CTNNA3: variants seen among roughly 807,000 people sequenced by gnomAD.
The protein encoded by CTNNA3 is catenin alpha-3.
A neutral mutation model predicts 95.7 loss-of-function variants in CTNNA3; 76 were observed. The ratio of observed to expected loss-of-function variants is 0.79; its 90% CI spans 0.66 to 0.96. The LOEUF (loss-of-function observed/expected upper bound fraction) is 0.96, where lower values mean the gene tolerates loss of function less well. Among genes scored for constraint, CTNNA3 ranks in the 40% least tolerant of loss-of-function variants. The probability of loss-of-function intolerance (pLI) is 0.00; values close to 1 mark genes in which losing one functional copy is unlikely to be tolerated. For missense variants in CTNNA3, 1,191 were observed against 1,089.8 expected (o/e 1.09, Z -1.31); for synonymous variants, 431 against 374.4 (o/e 1.15, Z -1.74).
chr10:67,605,505 G>GAT (rs1211877365), intron 3 of CTNNA3, among the ~76,000 whole-genome samples: 1 of 152,088 alleles, frequency 6.6e-6, no homozygotes, highest in Non-Finnish European at 1.5e-5. Flanking sequence ...TAAAGGAGTA[G>GAT]ATTTAGATGC....
intron 5 of CTNNA3, among the ~76,000 whole-genome samples, chr10:67,374,438 G>GAATA (rs1036046613): frequency 7.2e-5 from 11 of 151,766 alleles, no homozygotes; most frequent in South Asian, 2.1e-4. Context: ...ACGAATGAAC[G>GAATA]AATAAATAAA....
intron 13 of CTNNA3, among the ~76,000 whole-genome samples, chr10:66,120,912 C>G (rs2082545581): frequency 6.6e-6 from 1 of 152,192 alleles, no homozygotes; most frequent in Non-Finnish European, 1.5e-5. Context: ...ATTGTGCACT[C>G]CTTGTTGTCC....
At chr10:65,958,715 C>G (rs893764946) in intron 17 of CTNNA3, among the ~76,000 whole-genome samples, 1 of 152,140 alleles carries the variant, frequency 6.6e-6, no homozygotes, top group Non-Finnish European at 1.5e-5. Flanking sequence ...GCAAATATTG[C>G]AGAACGGCAA....
At chr10:66,775,409 T>C (rs1272562697) in intron 8 of CTNNA3, 35 bp downstream of exon 8, 1 of 1,401,114 alleles carries the variant, frequency 7.1e-7, no homozygotes, top group African/African-American at 1.4e-5. Context: ...ATTTAGCCCC[T>C]ATGTTTCTGA....
chr10:67,174,885 T>C (rs1181569856), intron 7 of CTNNA3, among the ~76,000 whole-genome samples: 1 of 152,134 alleles, frequency 6.6e-6, no homozygotes, highest in Non-Finnish European at 1.5e-5. Flanking sequence ...CTATATAGGA[T>C]ACTATTTATT....
rs201326026 is a variant in CTNNA3, at chr10:66,106,337, T to TTGTGTGTGTGTGTG, written c.1885-3102_1885-3089dup. ...CTGGAAGTTTTGTGTGTGTGTGTGT[T>TTGTGTGTGTGTGTG]TGTGTGTGTGTGTGTGTGTGTGTGT... On this transcript the variant is annotated intron_variant, in intron 13 of 17. Transcript: ENST00000433211. 2.2e-4 allele frequency among the ~76,000 whole-genome samples: 32 copies of TTGTGTGTGTGTGTG among 145,440 alleles called. 1 individual carries two copies. The highest frequency in any genetic ancestry group is 8.0e-4 in the African/African-American group (31 of 38,836).
chr10:66,086,609 CA>C (rs1198842497), intron 14 of CTNNA3, among the ~76,000 whole-genome samples: 4 of 152,112 alleles, frequency 2.6e-5, no homozygotes, highest in African/African-American at 7.2e-5. Context: ...AAAATTACCA[CA>C]AAAAACTTAC....
At chr10:65,964,287 A>G (rs1022116950) in intron 17 of CTNNA3, among the ~76,000 whole-genome samples, 2 of 152,168 alleles carry the variant, frequency 1.3e-5, no homozygotes, top group African/African-American at 4.8e-5. Context: ...CTACCTGCAA[A>G]CAGATGGCAG....
rs190552820 is a variant in CTNNA3, at chr10:67,378,801, T to C, written c.579+143041A>G. 4.6e-5 allele frequency among the ~76,000 whole-genome samples: 7 copies of C among 152,324 alleles called. No homozygotes were observed. In the South Asian group the frequency reaches 1.5e-3, roughly 32 times the overall value. On this transcript the variant is annotated intron_variant, in intron 5 of 17. Transcript: ENST00000433211. ...AATGGTGTATATATACCACATTTTT[T>C]ATTTAATAGATCATTTTATGCCCTT... is the stretch of plus-strand genomic sequence containing the variant.
intron 12 of CTNNA3, among the ~76,000 whole-genome samples, chr10:66,338,999 A>C (rs918850828): frequency 1.3e-5 from 2 of 151,912 alleles, no homozygotes; most frequent in Non-Finnish European, 2.9e-5. Flanking sequence ...ATAGTGAACT[A>C]TTAAACAATA....
At chr10:66,828,420 A>T (rs1271290562) in intron 7 of CTNNA3, among the ~76,000 whole-genome samples, 1 of 152,212 alleles carries the variant, frequency 6.6e-6, no homozygotes, top group Admixed American at 6.5e-5. Flanking sequence ...CTCCATGGTA[A>T]CTATTACCAC....
rs138371691 is a variant in CTNNA3 at position 66,102,353 on chromosome 10, A to T, written c.1977+804T>A. On this transcript the variant is annotated intron_variant, in intron 14 of 17. Transcript: ENST00000433211. ...CACTATATAAGTGGTCTGTTAGTTG[A>T]CTCAGTTAATTCCCACAGTAATCCT... Among the ~76,000 whole-genome samples, 175 of 152,274 alleles carry T rather than the reference A, an allele frequency of 1.1e-3. 1 individual carries two copies. The highest frequency in any genetic ancestry group is 4.0e-3 in the African/African-American group (168 of 41,552).
intron 7 of CTNNA3, among the ~76,000 whole-genome samples, chr10:66,975,637 T>A (rs1307626638): frequency 1.3e-5 from 2 of 152,208 alleles, no homozygotes; most frequent in East Asian, 3.9e-4. Context: ...GGTTTGTGTA[T>A]AACTTTTCAG....
At chr10:66,256,517 C>T (rs915953256) in intron 13 of CTNNA3, among the ~76,000 whole-genome samples, 7 of 103,904 alleles carry the variant, frequency 6.7e-5, no homozygotes, top group Admixed American at 1.2e-4. Context: ...TTTGGGAGTT[C>T]GAGACCAGCC....
At chr10:66,037,299 A>G (rs1057394878) in intron 15 of CTNNA3, among the ~76,000 whole-genome samples, 2 of 152,222 alleles carry the variant, frequency 1.3e-5, no homozygotes, top group South Asian at 2.1e-4. Flanking sequence ...AAATTTGGTT[A>G]AAAGAATAAA....
chr10:66,791,034 T>C (rs1286026080), intron 7 of CTNNA3, among the ~76,000 whole-genome samples: 3 of 152,182 alleles, frequency 2.0e-5, no homozygotes, highest in Non-Finnish European at 4.4e-5. Context: ...TACCTGTTAC[T>C]TTTTACCCTC....
rs535926423 is a variant in CTNNA3, at chr10:66,790,322, A to G, written c.1048-14798T>C. ...AAAATTACCAGGCGTGGTGGTGCAC[A>G]TCTGTAATCCCAGCTACTCGGGAGA... On this transcript the variant is annotated intron_variant, in intron 7 of 17. Coordinates refer to ENST00000433211, the MANE Select transcript of CTNNA3 (RefSeq NM_013266.4). Among the ~76,000 whole-genome samples, 30 of 152,094 alleles carry G rather than the reference A, an allele frequency of 2.0e-4. No homozygotes were observed. In the South Asian group the frequency reaches 6.0e-3, roughly 30 times the overall value.
At chr10:66,995,425 G>A (rs1355800572) in intron 7 of CTNNA3, among the ~76,000 whole-genome samples, 2 of 152,150 alleles carry the variant, frequency 1.3e-5, no homozygotes, top group East Asian at 3.9e-4. Context: ...CAGTCAGCTA[G>A]CAGGACCCCC....
intron 5 of CTNNA3, among the ~76,000 whole-genome samples, chr10:67,314,878 T>C (rs977182299): frequency 3.9e-5 from 6 of 152,370 alleles, no homozygotes; most frequent in Non-Finnish European, 7.3e-5. Flanking sequence ...GCCTGCTACA[T>C]TGATTTTTAT....
Sources: allele counts gnomAD v4.1 joint callset (sites outside exome capture counted in the v4.1 genomes callset), GRCh38; gene constraint gnomAD v4.1.1; transcripts MANE v1.5; gene names NCBI Gene and HGNC (gene_info 2026-07-23, HGNC 2026-07-21).